The following TEK variants were observed in gnomAD, a reference collection of about 807,000 sequenced individuals.
The protein encoded by TEK is angiopoietin-1 receptor.
Under a neutral mutation model 131.8 loss-of-function variants are expected in TEK, and 43 were observed. That is an observed-to-expected ratio of 0.33 (90% CI 0.26 to 0.42). The LOEUF (loss-of-function observed/expected upper bound fraction) is 0.42, where lower values mean the gene tolerates loss of function less well. Among genes scored for constraint, TEK ranks in the 10% least tolerant of loss-of-function variants. The pLI, the probability that TEK is intolerant of heterozygous loss-of-function variation, is 1.00. For synonymous variants in TEK, 580 were observed against 491.6 expected, an observed-to-expected ratio of 1.18 and a Z score of -2.38; for missense variants, 1,162 against 1,384.4, an observed-to-expected ratio of 0.84 and a Z score of 2.55.
chr9:27,137,621 T>A (rs928711688), intron 1 of TEK, among the ~76,000 whole-genome samples: 7 of 152,150 alleles, frequency 4.6e-5, no homozygotes, highest in African/African-American at 1.7e-4. Flanking sequence ...TTTATATATA[T>A]TTTTAAACTT....
In TEK at chr9:27,215,681, A is replaced by G. The variant is rs111282612; in HGVS notation, c.2992-2007A>G. Among the ~76,000 whole-genome samples, 562 of 151,942 alleles carry G rather than the reference A, an allele frequency of 3.7e-3. 1 individual carries two copies. Among genetic ancestry groups the G allele is most frequent in the African/African-American group, 0.012 (517 of 41,394 alleles). On this transcript the variant is annotated intron_variant, in intron 18 of 22. Coordinates refer to ENST00000380036, the MANE Select transcript of TEK (RefSeq NM_000459.5). Reference sequence around the variant, plus strand: ...AGATTAATATATCCATCCCGTCATCATGGATTTGTTAGTACAATGTTTCAT... The same window carrying G: ...AGATTAATATATCCATCCCGTCATCGTGGATTTGTTAGTACAATGTTTCAT...
intron 8 of TEK, among the ~76,000 whole-genome samples, chr9:27,183,876 C>T (rs1489980874): frequency 5.3e-5 from 8 of 152,174 alleles, no homozygotes; most frequent in African/African-American, 1.9e-4. Flanking sequence ...TGGCACACAT[C>T]CTGCAGGACT....
chr9:27,224,280 T>A (rs1228051339), intron 21 of TEK, among the ~76,000 whole-genome samples: 1 of 152,136 alleles, frequency 6.6e-6, no homozygotes, highest in Non-Finnish European at 1.5e-5. Flanking sequence ...ATCATCCTGT[T>A]ACCCAAACCT....
intron 1 of TEK, among the ~76,000 whole-genome samples, chr9:27,148,390 TA>T (rs780155686): frequency 1.4e-4 from 22 of 152,250 alleles, no homozygotes; most frequent in Non-Finnish European, 2.6e-4. Context: ...ATCCAAAACA[TA>T]ATGGTAAAAC....
At chr9:27,182,570 C>T (rs1824425418) in intron 7 of TEK, among the ~76,000 whole-genome samples, 1 of 152,112 alleles carries the variant, frequency 6.6e-6, no homozygotes, top group South Asian at 2.1e-4. Flanking sequence ...CGCCTCTTCC[C>T]ACCACCGATA....
intron 8 of TEK, 107 bp from the exon 9 acceptor site, chr9:27,185,378 C>T: frequency 2.2e-6 from 3 of 1,365,798 alleles, no homozygotes; most frequent in Non-Finnish European, 3.1e-6. Flanking sequence ...GCTTCTTGAT[C>T]TCTCCTAGGA....
At chr9:27,179,647 C>T (rs1294185879) in intron 6 of TEK, among the ~76,000 whole-genome samples, 1 of 152,176 alleles carries the variant, frequency 6.6e-6, no homozygotes, top group Non-Finnish European at 1.5e-5. Context: ...GGAATCAGGT[C>T]AAACTCAGTT....
intron 1 of TEK, among the ~76,000 whole-genome samples, chr9:27,133,032 G>A (rs922900260): frequency 6.6e-6 from 1 of 152,188 alleles, no homozygotes; most frequent in Admixed American, 6.5e-5. Context: ...TAGGATCATT[G>A]ACTATAAACC....
intron 2 of TEK, among the ~76,000 whole-genome samples, chr9:27,159,658 T>C (rs1268953263): frequency 6.6e-6 from 1 of 152,202 alleles, no homozygotes. Flanking sequence ...AAAATAAAAG[T>C]GGGCCTTAAG....
chr9:27,132,962 G>A (rs566976898), intron 1 of TEK, among the ~76,000 whole-genome samples: 42 of 152,146 alleles, frequency 2.8e-4, no homozygotes, highest in Non-Finnish European at 4.7e-4. Flanking sequence ...AAACACAATT[G>A]TACATGTTCT....
intron 10 of TEK, among the ~76,000 whole-genome samples, 179 bp downstream of exon 10, chr9:27,190,869 GCTAA>G (rs1824792181): frequency 1.3e-5 from 2 of 152,150 alleles, no homozygotes; most frequent in African/African-American, 4.8e-5. Flanking sequence ...GAGCTCTGGG[GCTAA>G]CTTTCTGAAG....
intron 12 of TEK, chr9:27,198,455 G>A (rs545079135): frequency 6.6e-6 from 1 of 152,330 alleles, no homozygotes; most frequent in African/African-American, 2.4e-5. Context: ...AGCTGGCTCA[G>A]TGTTTCTTTG....
chr9:27,191,830 C>A (rs1272655741), intron 10 of TEK: 5 of 418,018 alleles, frequency 1.2e-5, no homozygotes, highest in Non-Finnish European at 1.9e-5. Context: ...AAGTGGACAT[C>A]CACAAAGTGG....
chr9:27,194,487 A>G (rs1159744906), intron 11 of TEK, among the ~76,000 whole-genome samples: 6 of 152,212 alleles, frequency 3.9e-5, no homozygotes, highest in African/African-American at 1.4e-4. Flanking sequence ...ATAGAGAGGA[A>G]AAAGGGACCT....
In TEK at chr9:27,204,823, A is replaced by G. The variant is rs935282046; in HGVS notation, c.2210-88A>G. 7.6e-6 allele frequency: 12 copies of G among 1,580,962 alleles called. No homozygotes were observed. In the Admixed American group the frequency reaches 1.2e-4, roughly 15 times the overall value. On this transcript the variant is annotated intron_variant, in intron 13 of 22. Transcript: ENST00000380036. ...GGGTTAAGGCTGCTGTTAAGTTCCC[A>G]TTACACTGTGTCTTCTCCCACATAC...
intron 1 of TEK, among the ~76,000 whole-genome samples, chr9:27,113,719 T>A (rs551315418): frequency 1.3e-5 from 2 of 152,364 alleles, no homozygotes; most frequent in East Asian, 3.9e-4. Context: ...TTAATATTCA[T>A]AGATGCTGTC....
rs550472237 is a variant in TEK at position 27,165,356 on chromosome 9, GC to G, written c.365-3138del. Reference sequence around the variant, plus strand: ...AAAAAATTCTCGTAGGAGTCCAGGAGCATGCCACAGAGAGCAAGAGCTGCAT... The same window carrying G: ...AAAAAATTCTCGTAGGAGTCCAGGAGATGCCACAGAGAGCAAGAGCTGCAT... On this transcript the variant is annotated intron_variant, in intron 2 of 22. Coordinates refer to ENST00000380036, the MANE Select transcript of TEK (RefSeq NM_000459.5). Among the ~76,000 whole-genome samples, 652 of 152,256 alleles carry G rather than the reference GC, an allele frequency of 4.3e-3. 4 individuals carry two copies. Among genetic ancestry groups the G allele is most frequent in the African/African-American group, 0.015 (625 of 41,550 alleles).
At chr9:27,180,097 G>T in intron 6 of TEK, 143 bp from the exon 7 acceptor site, 1 of 1,221,068 alleles carries the variant, frequency 8.2e-7, no homozygotes, top group Non-Finnish European at 1.2e-6. Context: ...TTAAGTTCCT[G>T]GTAATTCAGA....
chr9:27,134,487 C>G (rs1363215812), intron 1 of TEK, among the ~76,000 whole-genome samples: 1 of 152,196 alleles, frequency 6.6e-6, no homozygotes, highest in Non-Finnish European at 1.5e-5. Context: ...CTACGTTACA[C>G]AGTCTAAGAA....
Sources: gnomAD v4.1 joint callset for allele counts (sites outside exome capture counted in the v4.1 genomes callset) on GRCh38, gnomAD v4.1.1 for gene constraint, MANE v1.5 for transcripts, NCBI Gene and HGNC (gene_info 2026-07-23, HGNC 2026-07-21) for gene names.